The following PTPRD variants were observed in gnomAD, a reference collection of about 807,000 sequenced individuals.
The protein encoded by PTPRD is protein tyrosine phosphatase receptor type D.
PTPRD carries 34 observed loss-of-function variants against 214.5 expected under a neutral mutation model. The observed-to-expected ratio is 0.16, with a 90% CI of 0.12 to 0.21. PTPRD has a LOEUF of 0.21. Ranked by LOEUF, PTPRD falls within the 10% of genes least tolerant of loss-of-function variation. The pLI, the probability that PTPRD is intolerant of heterozygous loss-of-function variation, is 1.00. For synonymous variants in PTPRD, 1,128 were observed against 845.7 expected (o/e 1.33, Z -5.79); for missense variants, 2,545 against 2,398.7 (o/e 1.06, Z -1.27).
chr9:8,958,399 C>CA (rs570441551), intron 11 of PTPRD, among the ~76,000 whole-genome samples: 2 of 151,742 alleles, frequency 1.3e-5, no homozygotes, highest in Admixed American at 6.6e-5. Context: ...TTAGCCTTTT[C>CA]AAAAAAATCA....
intron 7 of PTPRD, among the ~76,000 whole-genome samples, chr9:9,724,667 G>T (rs959742126): frequency 2.0e-5 from 3 of 152,162 alleles, no homozygotes; most frequent in Non-Finnish European, 2.9e-5. Context: ...TGTGAAGGAT[G>T]AAGGTGATAA....
At chr9:8,468,869 C>A (rs1359818130) in intron 31 of PTPRD, among the ~76,000 whole-genome samples, 3 of 150,764 alleles carry the variant, frequency 2.0e-5, no homozygotes, top group Non-Finnish European at 4.4e-5. Context: ...GAGGCCATAG[C>A]CTACTTTCAT....
intron 36 of PTPRD, among the ~76,000 whole-genome samples, chr9:8,396,274 A>C (rs2091141699): frequency 6.6e-6 from 1 of 152,196 alleles, no homozygotes; most frequent in African/African-American, 2.4e-5. Flanking sequence ...AAATGGAAAA[A>C]GTCTGCTTAT....
chr9:8,934,493 AAATATATATATAAATATATATATATAAAT>A (rs2098981258), intron 11 of PTPRD, among the ~76,000 whole-genome samples: 2 of 4,328 alleles, frequency 4.6e-4, no homozygotes, highest in Non-Finnish European at 8.4e-4. Flanking sequence ...ATATATATAT[AAATATATATATAAATATATATATATAAAT>A]ATATATATAT....
intron 9 of PTPRD, among the ~76,000 whole-genome samples, chr9:9,337,087 G>A (rs1320100440): frequency 6.6e-6 from 1 of 152,156 alleles, no homozygotes; most frequent in Non-Finnish European, 1.5e-5. Context: ...GGGGGTCAAT[G>A]GGCTGTACTT....
At chr9:9,090,289 A>G (rs1163552466) in intron 10 of PTPRD, among the ~76,000 whole-genome samples, 2 of 152,134 alleles carry the variant, frequency 1.3e-5, no homozygotes, top group Non-Finnish European at 2.9e-5. Context: ...TAGCCCCCAC[A>G]TATAAGTGAG....
chr9:8,780,169 A>G (rs193282235), intron 11 of PTPRD, among the ~76,000 whole-genome samples: 1 of 152,308 alleles, frequency 6.6e-6, no homozygotes, highest in African/African-American at 2.4e-5. Context: ...CCAGATCATA[A>G]TTATTGACAC....
intron 11 of PTPRD, among the ~76,000 whole-genome samples, chr9:9,017,062 A>G (rs2099538718): frequency 6.6e-6 from 1 of 152,052 alleles, no homozygotes; most frequent in Admixed American, 6.6e-5. Context: ...AATGAATCAT[A>G]AATAACCAAA....
intron 9 of PTPRD, among the ~76,000 whole-genome samples, chr9:9,234,519 C>T (rs988088997): frequency 1.3e-5 from 2 of 152,168 alleles, no homozygotes; most frequent in Non-Finnish European, 2.9e-5. Context: ...TTGAATTTCT[C>T]CCCAGAAAAT....
chr9:9,560,323 C>T (rs2082583362), intron 8 of PTPRD, among the ~76,000 whole-genome samples: 1 of 152,198 alleles, frequency 6.6e-6, no homozygotes, highest in South Asian at 2.1e-4. Context: ...ACAGGGCGAG[C>T]CTGCAAGAAC....
intron 2 of PTPRD, among the ~76,000 whole-genome samples, chr9:10,576,442 A>ATACCTGATTTTTGGG (rs2069358431): frequency 6.6e-6 from 1 of 152,128 alleles, no homozygotes; most frequent in Admixed American, 6.5e-5. Context: ...TTTAAAACCA[A>ATACCTGATTTTTGGG]TACATGATTT....
rs547072763 is a variant in PTPRD at position 8,737,442 on chromosome 9, T to C, written c.-103-3496A>G. On this transcript the variant is annotated intron_variant, in intron 11 of 45. Coordinates refer to ENST00000381196, the MANE Select transcript of PTPRD (RefSeq NM_002839.4). ...AATTGGAAATGGATTCTTAAGAAAATAATTAAACCAAAAATAAACAGGATA... is the reference window on the plus strand; with the variant it reads ...AATTGGAAATGGATTCTTAAGAAAACAATTAAACCAAAAATAAACAGGATA... Among the ~76,000 whole-genome samples, 6 of 151,442 alleles carry C rather than the reference T, an allele frequency of 4.0e-5. No homozygotes were observed. The South Asian group carries it at 1.3e-3, about 32-fold the overall frequency.
intron 8 of PTPRD, among the ~76,000 whole-genome samples, chr9:9,553,221 C>A (rs1290793576): frequency 1.3e-5 from 2 of 151,834 alleles, no homozygotes; most frequent in Non-Finnish European, 1.5e-5. Flanking sequence ...AAATTTCATC[C>A]CTATAAATAT....
At chr9:10,439,598 GA>G (rs999375726) in intron 2 of PTPRD, among the ~76,000 whole-genome samples, 10 of 148,194 alleles carry the variant, frequency 6.7e-5, no homozygotes, top group African/African-American at 2.0e-4. Context: ...CTATGATCAG[GA>G]AAAAAAAAGG....
intron 4 of PTPRD, among the ~76,000 whole-genome samples, chr9:9,948,761 T>C (rs1327254313): frequency 6.6e-6 from 1 of 152,028 alleles, no homozygotes; most frequent in Non-Finnish European, 1.5e-5. Context: ...TTTATTAGCC[T>C]AACCCAATAA....
At chr9:8,422,515 G>C (rs186427689) in intron 35 of PTPRD, among the ~76,000 whole-genome samples, 1 of 152,114 alleles carries the variant, frequency 6.6e-6, no homozygotes, top group Admixed American at 6.6e-5. Flanking sequence ...CTTCAGCCAC[G>C]TCACTTAACT....
At chr9:9,296,209 G>C (rs1952974390) in intron 9 of PTPRD, among the ~76,000 whole-genome samples, 2 of 151,710 alleles carry the variant, frequency 1.3e-5, no homozygotes, top group South Asian at 4.1e-4. Context: ...CCATGAACTT[G>C]TACTCATATT....
chr9:10,062,696 G>A (rs1175301432), intron 3 of PTPRD, among the ~76,000 whole-genome samples: 1 of 137,274 alleles, frequency 7.3e-6, no homozygotes, highest in Non-Finnish European at 1.5e-5. Flanking sequence ...ACCCTACTTA[G>A]GAAAGTAATA....
rs776072591 is a variant in PTPRD at position 8,517,863 on chromosome 9, T to C, written c.1528A>G (p.Ile510Val). The change falls in exon 21 of 46, where the codon ATC becomes GTC. Residue 510 changes from isoleucine (I) to valine (V), a missense_variant. Coordinates refer to ENST00000381196, the MANE Select transcript of PTPRD (RefSeq NM_002839.4). ...CCAAACTTACCTCCTGTCTGAGTGA[T>C]GACTTGTATGTCACTTGAAAGGGGA... is the stretch of plus-strand genomic sequence containing the variant. ...DGPLSSDIQV[I>V]TQTGVPGQPL... 6.2e-6 allele frequency: 10 copies of C among 1,613,364 alleles called. No homozygotes were observed. The highest frequency in any genetic ancestry group is 2.2e-5 in the South Asian group (2 of 90,964).
Sources: gnomAD v4.1 joint callset for allele counts (sites outside exome capture counted in the v4.1 genomes callset) on GRCh38, gnomAD v4.1.1 for gene constraint, MANE v1.5 for transcripts, NCBI Gene and HGNC (gene_info 2026-07-23, HGNC 2026-07-21) for gene names.